ATP9A: variants seen among roughly 807,000 people sequenced by gnomAD.
The protein encoded by ATP9A is probable phospholipid-transporting ATPase IIA.
Under a neutral mutation model 144.1 loss-of-function variants are expected in ATP9A, and 52 were observed. The observed-to-expected ratio is 0.36, with a 90% CI of 0.29 to 0.45. ATP9A has a LOEUF of 0.45. Ranked by LOEUF, ATP9A falls within the 20% of genes least tolerant of loss-of-function variation. The pLI, the probability that ATP9A is intolerant of heterozygous loss-of-function variation, is 1.00. For missense variants in ATP9A, 947 were observed against 1,392.7 expected, an observed-to-expected ratio of 0.68 and a Z score of 5.09; for synonymous variants, 582 against 557.4, an observed-to-expected ratio of 1.04 and a Z score of -0.62.
At chr20:51,635,802 G>GAGGGAGGAAGGGAGGA (rs774111834) in intron 15 of ATP9A, among the ~76,000 whole-genome samples, 1 of 46,698 alleles carries the variant, frequency 2.1e-5, no homozygotes. Context: ...AGGAGGGGAG[G>GAGGGAGGAAGGGAGGA]AGGAAGGAAG....
At chr20:51,673,955 C>T (rs941959576) in intron 11 of ATP9A, among the ~76,000 whole-genome samples, 198 bp downstream of exon 11, 14 of 151,624 alleles carry the variant, frequency 9.2e-5, no homozygotes, top group Admixed American at 2.0e-4. Flanking sequence ...GAGGCTGAGA[C>T]GGGAGAATCA....
intron 3 of ATP9A, among the ~76,000 whole-genome samples, chr20:51,719,107 G>A (rs1183843555): frequency 1.3e-5 from 2 of 150,866 alleles, no homozygotes; most frequent in Admixed American, 6.6e-5. Flanking sequence ...CAGCCTGGGC[G>A]ACAGAGTGAG....
chr20:51,617,417 A>C, intron 22 of ATP9A, 73 bp downstream of exon 22: 1 of 1,460,256 alleles, frequency 6.8e-7, no homozygotes, highest in Non-Finnish European at 9.4e-7. Flanking sequence ...AGAAGGCTTA[A>C]AGCTGTGTCT....
intron 10 of ATP9A, 103 bp from the exon 11 acceptor site, chr20:51,674,416 T>C: frequency 1.7e-6 from 2 of 1,189,954 alleles, no homozygotes; most frequent in East Asian, 4.8e-5. Context: ...CTCACTGCAC[T>C]AACTCAGCCT....
chr20:51,742,685 T>C (rs1427543442), intron 1 of ATP9A, among the ~76,000 whole-genome samples: 3 of 152,074 alleles, frequency 2.0e-5, no homozygotes, highest in Admixed American at 6.6e-5. Flanking sequence ...CAGCTAACTT[T>C]TGTATTTTTA....
intron 8 of ATP9A, among the ~76,000 whole-genome samples, chr20:51,690,526 A>G (rs1464457972): frequency 6.6e-6 from 1 of 152,216 alleles, no homozygotes; most frequent in East Asian, 1.9e-4. Flanking sequence ...CTAAGTTGTC[A>G]GGTCATTTAA....
chr20:51,705,514 T>C (rs1220970627), intron 4 of ATP9A, among the ~76,000 whole-genome samples: 5 of 152,240 alleles, frequency 3.3e-5, no homozygotes, highest in Non-Finnish European at 5.9e-5. Context: ...TTATGACTTA[T>C]GGTCAGCCTG....
At chr20:51,622,924 G>A (rs1057125300) in intron 18 of ATP9A, among the ~76,000 whole-genome samples, 3 of 152,208 alleles carry the variant, frequency 2.0e-5, no homozygotes, top group Non-Finnish European at 2.9e-5. Flanking sequence ...AGAAGATCAT[G>A]ACAATTGTCT....
intron 1 of ATP9A, among the ~76,000 whole-genome samples, chr20:51,739,222 A>T (rs973229883): frequency 1.3e-5 from 2 of 151,722 alleles, no homozygotes; most frequent in African/African-American, 4.8e-5. Context: ...AACAGTCTGG[A>T]CCCCATTGTC....
At chr20:51,613,910 A>T (rs1278807130) in intron 22 of ATP9A, 78 bp from the exon 23 acceptor site, 1 of 1,421,942 alleles carries the variant, frequency 7.0e-7, no homozygotes, top group Non-Finnish European at 9.4e-7. Context: ...TGAAAAAGCA[A>T]GACATTGTAG....
At chr20:51,646,555 C>T (rs1200704780) in intron 14 of ATP9A, among the ~76,000 whole-genome samples, 1 of 152,104 alleles carries the variant, frequency 6.6e-6, no homozygotes, top group Non-Finnish European at 1.5e-5. Flanking sequence ...GTTCAAATGC[C>T]GACAGGCGTT....
chr20:51,728,284 T>C (rs1025157611), intron 2 of ATP9A, among the ~76,000 whole-genome samples: 1 of 151,878 alleles, frequency 6.6e-6, no homozygotes, highest in African/African-American at 2.4e-5. Flanking sequence ...GTACTGAGAG[T>C]TGGGGGGAGT....
intron 7 of ATP9A, 100 bp from the exon 8 acceptor site, chr20:51,690,919 A>C (rs578038926): frequency 3.2e-5 from 30 of 929,782 alleles, no homozygotes; most frequent in Non-Finnish European, 4.7e-5. Flanking sequence ...TTTCCCACAC[A>C]CAGCAAATGG....
chr20:51,700,029 T>C (rs547184107), intron 4 of ATP9A, among the ~76,000 whole-genome samples: 26 of 152,270 alleles, frequency 1.7e-4, no homozygotes, highest in African/African-American at 6.3e-4. Context: ...ACTCTCCTAG[T>C]GTGAGTATTT....
rs6126312 is a variant in ATP9A at position 51,708,072 on chromosome 20, T to C, written c.436+4894A>G. Reference sequence around the variant, plus strand: ...GACTAAAAGGTCATTTCCATGTAGATAGCTAATTTGATTATCAAAGTACTT... The same window carrying C: ...GACTAAAAGGTCATTTCCATGTAGACAGCTAATTTGATTATCAAAGTACTT... On this transcript the variant is annotated intron_variant, in intron 4 of 27. Transcript: ENST00000338821. Among the ~76,000 whole-genome samples the C allele has an allele frequency of 1.2e-4, 18 of 152,268 alleles. No homozygotes were observed. In the East Asian group the frequency reaches 2.5e-3, roughly 21 times the overall value.
In ATP9A at chr20:51,713,042, C is replaced by A. The variant is rs2077646779; in HGVS notation, c.360G>T (p.Glu120Asp). Residue 120 changes from glutamate (E) to aspartate (D), a missense_variant, in exon 4 of 28, where the codon GAG becomes GAT. Glu to Asp is a conservative substitution (Grantham distance 45, BLOSUM62 2). Coordinates refer to ENST00000338821, the MANE Select transcript of ATP9A (RefSeq NM_006045.3). ...GFVLAVTVIR[E>D]AVEEIRCYVR... ...CGTAGCATCGGATCTCCTCCACCGC[C>A]TCACGGATGACAGTGACGGCCAGCA... 2 of 1,612,826 alleles carry A rather than the reference C, an allele frequency of 1.2e-6. No homozygotes were observed. The highest frequency in any genetic ancestry group is 1.7e-6 in the Non-Finnish European group (2 of 1,179,572).
chr20:51,748,670 T>A lies in ATP9A; in HGVS notation c.69-18692A>T, dbSNP rs116548188. Among the ~76,000 whole-genome samples, 533 of 152,304 alleles carry A rather than the reference T, an allele frequency of 3.5e-3. 6 individuals are homozygous for A. The highest frequency in any genetic ancestry group is 0.011 in the African/African-American group (463 of 41,582). On this transcript the variant is annotated intron_variant, in intron 1 of 27. Coordinates refer to ENST00000338821, the MANE Select transcript of ATP9A (RefSeq NM_006045.3). The stretch of plus-strand genomic sequence containing the variant: ...CACCTCAGGGAGGACATTTTGACGA[T>A]GCTATCAAAATTACAAATGTACCTT...
intron 13 of ATP9A, among the ~76,000 whole-genome samples, chr20:51,663,577 G>C (rs1393323135): frequency 2.0e-5 from 3 of 151,884 alleles, no homozygotes; most frequent in African/African-American, 4.8e-5. Flanking sequence ...GGCGGATCAC[G>C]AGGTCAGGAG....
intron 2 of ATP9A, among the ~76,000 whole-genome samples, chr20:51,728,280 A>G (rs1568838579): frequency 2.0e-5 from 3 of 152,094 alleles, no homozygotes; most frequent in Non-Finnish European, 4.4e-5. Context: ...TGAGGTACTG[A>G]GAGTTGGGGG....
Sources: allele counts gnomAD v4.1 joint callset (sites outside exome capture counted in the v4.1 genomes callset), GRCh38; gene constraint gnomAD v4.1.1; transcripts MANE v1.5; gene names NCBI Gene and HGNC (gene_info 2026-07-23, HGNC 2026-07-21).